The following DCDC2 variants were observed in gnomAD, a reference collection of about 807,000 sequenced individuals.
DCDC2 encodes the protein doublecortin domain-containing protein 2.
Under a neutral mutation model 50.2 loss-of-function variants are expected in DCDC2, and 40 were observed. The ratio of observed to expected loss-of-function variants is 0.80; its 90% confidence interval spans 0.62 to 1.04. DCDC2 has a LOEUF of 1.04. DCDC2 is among the 50% of genes least tolerant of loss of function. The pLI, the probability that DCDC2 is intolerant of heterozygous loss-of-function variation, is 0.00. For synonymous variants in DCDC2, 234 were observed against 210.6 expected, an observed-to-expected ratio of 1.11 and a Z score of -0.96; for missense variants, 570 against 581.9, an observed-to-expected ratio of 0.98 and a Z score of 0.21.
At position 24,174,709 on chromosome 6, in the gene DCDC2, T is replaced by C. The variant is rs753227406; in HGVS notation, c.*21A>G. 21 of 1,537,758 alleles carry C rather than the reference T, an allele frequency of 1.4e-5. No individual in the cohort carries two copies. The East Asian group carries it at 2.3e-4, about 16-fold the overall frequency. ...CCCTTCATTTTTCTTGCGATCCATA[T>C]ACTCTCTTTTTAAAAATGTTCTAAG... On this transcript the variant is annotated 3_prime_UTR_variant, in exon 10 of 10. Transcript: ENST00000378454.
At chr6:24,383,035 C>T in the DCDC2 span, among the ~76,000 whole-genome samples, 2 of 152,152 alleles carry the variant, frequency 1.3e-5, no homozygotes, top group African/African-American at 2.4e-5. Flanking sequence ...TGAAAGAAAA[C>T]TACCCCCTAG....
chr6:24,372,418 C>CAA, the DCDC2 span, among the ~76,000 whole-genome samples: 41 of 131,814 alleles, frequency 3.1e-4, no homozygotes, highest in African/African-American at 1.1e-3. Context: ...GTCTCCGTCT[C>CAA]AAAAAAAAAA....
At chr6:24,357,286 T>C in intron 1 of DCDC2, 172 bp downstream of exon 1, 4 of 664,920 alleles carry the variant, frequency 6.0e-6, no homozygotes, top group Non-Finnish European at 9.6e-6. Context: ...CCAGTCACAG[T>C]GTCAACCTCT....
chr6:24,250,541 G>T (rs575559869), intron 7 of DCDC2, among the ~76,000 whole-genome samples: 2 of 152,178 alleles, frequency 1.3e-5, no homozygotes, highest in African/African-American at 4.8e-5. Flanking sequence ...CTAAAAGCAT[G>T]TTGTCCCTTC....
intron 4 of DCDC2, among the ~76,000 whole-genome samples, chr6:24,299,167 T>C (rs1181138714): frequency 2.0e-5 from 3 of 152,196 alleles, no homozygotes; most frequent in African/African-American, 7.2e-5. Context: ...AGGAAAATAC[T>C]GAAATCCTGT....
At chr6:24,190,657 T>A (rs1761294076) in intron 8 of DCDC2, among the ~76,000 whole-genome samples, 1 of 152,220 alleles carries the variant, frequency 6.6e-6, no homozygotes, top group African/African-American at 2.4e-5. Flanking sequence ...ACCATTTCTA[T>A]CATTTAAATA....
intron 7 of DCDC2, among the ~76,000 whole-genome samples, chr6:24,225,841 T>C (rs933961310): frequency 6.6e-6 from 1 of 152,212 alleles, no homozygotes; most frequent in Non-Finnish European, 1.5e-5. Context: ...AGCAACTGAT[T>C]TATTTTAAAA....
At chr6:24,304,356 A>G (rs707861) in intron 2 of DCDC2, among the ~76,000 whole-genome samples, 33,193 of 152,024 alleles carry the variant, frequency 0.22, 5,809 homozygotes, top group African/African-American at 0.49. Context: ...GGTGGTGTGC[A>G]CCTGTAGTTC....
chr6:24,221,430 C>T (rs925546089), intron 7 of DCDC2, among the ~76,000 whole-genome samples: 6 of 152,192 alleles, frequency 3.9e-5, no homozygotes, highest in South Asian at 2.1e-4. Flanking sequence ...CAAGACACAA[C>T]GTGATGGCCA....
intron 7 of DCDC2, among the ~76,000 whole-genome samples, chr6:24,249,074 G>C (rs1462714789): frequency 6.6e-6 from 1 of 152,048 alleles, no homozygotes; most frequent in Non-Finnish European, 1.5e-5. Flanking sequence ...TTTGATTTCT[G>C]TTATTCTTAT....
intron 2 of DCDC2, among the ~76,000 whole-genome samples, chr6:24,316,400 T>C (rs1286566852): frequency 6.6e-6 from 1 of 151,878 alleles, no homozygotes; most frequent in Non-Finnish European, 1.5e-5. Flanking sequence ...TGGTAAGGGG[T>C]AAACCAAGAG....
chr6:24,193,715 GGAAA>G (rs1346016992), intron 8 of DCDC2, among the ~76,000 whole-genome samples: 1 of 151,940 alleles, frequency 6.6e-6, no homozygotes, highest in African/African-American at 2.4e-5. Flanking sequence ...AAATTATAGT[GGAAA>G]GAAAAAAGAA....
At chr6:24,367,614 A>G in the DCDC2 span, among the ~76,000 whole-genome samples, 14 of 152,262 alleles carry the variant, frequency 9.2e-5, no homozygotes, top group African/African-American at 2.9e-4. Context: ...AATGTGAGGC[A>G]AAGAATTAAA....
intron 7 of DCDC2, among the ~76,000 whole-genome samples, chr6:24,235,176 A>G (rs529934800): frequency 3.3e-5 from 5 of 152,194 alleles, no homozygotes; most frequent in South Asian, 2.1e-4. Flanking sequence ...TTTTAACAAC[A>G]TATCTTTCAG....
At chr6:24,363,260 G>C in the DCDC2 span, among the ~76,000 whole-genome samples, 2 of 152,204 alleles carry the variant, frequency 1.3e-5, no homozygotes, top group African/African-American at 4.8e-5. Flanking sequence ...TTGAGATGCT[G>C]AGGCAGGTGG....
chr6:24,210,233 CTCATT>C (rs1463764019), intron 7 of DCDC2, among the ~76,000 whole-genome samples: 1 of 152,160 alleles, frequency 6.6e-6, no homozygotes, highest in Non-Finnish European at 1.5e-5. Flanking sequence ...CTAGATTAAT[CTCATT>C]TGAGTACCAT....
At chr6:24,373,576 C>G in the DCDC2 span, among the ~76,000 whole-genome samples, 2 of 152,098 alleles carry the variant, frequency 1.3e-5, no homozygotes, top group Non-Finnish European at 2.9e-5. Context: ...GAGTAAGGAA[C>G]AGTTATAGAT....
rs955830362 is a variant in DCDC2 at position 24,288,796 on chromosome 6, C to A, written c.759+56G>T. The A allele has an allele frequency of 2.6e-5, 39 of 1,503,486 alleles. No individual in the cohort carries two copies. The African/African-American group carries it at 3.7e-4, about 14-fold the overall frequency. 93.1% of individuals were successfully genotyped at this position (1,503,486 alleles called of 1,614,324 possible). On this transcript the variant is annotated intron_variant, in intron 6 of 9. Coordinates refer to ENST00000378454, the MANE Select transcript of DCDC2 (RefSeq NM_016356.5). ...ACTTAATTGAAGCCCAAAGGACAGTCTCTTTGTATCATATAAAAATATAGA... is the reference window on the plus strand; with the variant it reads ...ACTTAATTGAAGCCCAAAGGACAGTATCTTTGTATCATATAAAAATATAGA...
At chr6:24,182,194 A>C (rs867148788) in intron 8 of DCDC2, among the ~76,000 whole-genome samples, 5 of 152,232 alleles carry the variant, frequency 3.3e-5, no homozygotes, top group South Asian at 4.1e-4. Context: ...TGTAAAACCT[A>C]AAACTATATA....
Sources: gnomAD v4.1 joint callset for allele counts (sites outside exome capture counted in the v4.1 genomes callset) on GRCh38, gnomAD v4.1.1 for gene constraint, MANE v1.5 for transcripts, NCBI Gene and HGNC (gene_info 2026-07-23, HGNC 2026-07-21) for gene names.